DAPK1: variants seen among roughly 807,000 people sequenced by gnomAD.
The protein encoded by DAPK1 is death-associated protein kinase 1.
DAPK1 carries 56 observed loss-of-function variants against 144.9 expected under a neutral mutation model. The ratio of observed to expected loss-of-function variants is 0.39; its 90% CI spans 0.31 to 0.48. The LOEUF (loss-of-function observed/expected upper bound fraction) is 0.48, where lower values mean the gene tolerates loss of function less well. Among genes scored for constraint, DAPK1 ranks in the 20% least tolerant of loss-of-function variants. The pLI is 0.95. For missense variants in DAPK1, 1,454 were observed against 1,875.4 expected (o/e 0.78, Z 4.15); for synonymous variants, 690 against 749.0 (o/e 0.92, Z 1.29).
chr9:87,594,647 G>A (rs1037526393), intron 2 of DAPK1, among the ~76,000 whole-genome samples: 1 of 152,212 alleles, frequency 6.6e-6, no homozygotes, highest in African/African-American at 2.4e-5. Flanking sequence ...GTCATGGCCA[G>A]TATTTACTGT....
rs1564037534 is a variant in DAPK1 at position 87,639,471 on chromosome 9, C to G, written c.541C>G (p.Pro181Ala). ...GNEFKNIFGT[P>A]EFVAPEIVNY... ...TGAATTTAAAAACATATTTGGGACT[C>G]CAGAGTTTGTCGGTAAGTTTCTTTG... is the stretch of plus-strand genomic sequence containing the variant. Residue 181 changes from proline (P) to alanine (A), a missense_variant, in exon 5 of 26, where the codon CCA becomes GCA. Coordinates refer to ENST00000408954, the MANE Select transcript of DAPK1 (RefSeq NM_004938.4). 6.2e-7 allele frequency: 1 copy of G among 1,611,988 alleles called. No homozygotes were observed. The highest frequency in any genetic ancestry group is 1.1e-5 in the South Asian group (1 of 90,278).
chr9:87,643,347 CTTTTTTTTT>C lies in DAPK1; in HGVS notation c.919-18_919-10del. On this transcript the variant is annotated intron_variant, in intron 10 of 25. Coordinates refer to ENST00000408954, the MANE Select transcript of DAPK1 (RefSeq NM_004938.4). ...CCTGCCTTTTTCCTCCCCGCCCTCCCTTTTTTTTTTTTTTTTTTTAAAAAAAAGCAATCC... is the reference window on the plus strand; with the variant it reads ...CCTGCCTTTTTCCTCCCCGCCCTCCCTTTTTTTTTTAAAAAAAAGCAATCC... 2.0e-6 allele frequency: 2 copies of C among 1,001,886 alleles called. No individual in the cohort carries two copies. The highest frequency in any genetic ancestry group is 1.4e-6 in the Non-Finnish European group (1 of 732,824). 62.1% of individuals were successfully genotyped at this position (1,001,886 alleles called of 1,614,324 possible).
chr9:87,657,908 A>G, intron 17 of DAPK1, 121 bp from the exon 18 acceptor site: 1 of 702,384 alleles, frequency 1.4e-6, no homozygotes, highest in Non-Finnish European at 2.6e-6. Flanking sequence ...AGGAGAAGGG[A>G]GATGGCTCCT....
upstream of DAPK1, chr9:87,497,351 A>T (rs1228338739): frequency 6.6e-6 from 1 of 152,240 alleles, no homozygotes; most frequent in Admixed American, 6.5e-5. Flanking sequence ...GTTTCGTGGT[A>T]AACGTAGGAC....
intron 2 of DAPK1, among the ~76,000 whole-genome samples, chr9:87,500,323 G>A (rs1364248562): frequency 6.6e-6 from 1 of 152,162 alleles, no homozygotes; most frequent in Non-Finnish European, 1.5e-5. Context: ...ATGATCTGGT[G>A]AGTAAATAAG....
In DAPK1 at chr9:87,637,933, G is replaced by A. The variant is rs752893721; in HGVS notation, c.285-10G>A. Reference sequence around the variant, plus strand: ...GTTGTTACCAATAACCTCTGCTTCCGGGTTCTCAGCGTTGCAGGTGGCGAG... The same window carrying A: ...GTTGTTACCAATAACCTCTGCTTCCAGGTTCTCAGCGTTGCAGGTGGCGAG... On this transcript the variant is annotated splice_polypyrimidine_tract_variant and intron_variant, in intron 3 of 25. Transcript: ENST00000408954. The A allele has an allele frequency of 1.9e-6, 3 of 1,612,608 alleles. No individual in the cohort carries two copies. Among genetic ancestry groups the A allele is most frequent in the South Asian group, 1.1e-5 (1 of 90,972 alleles).
intron 3 of DAPK1, among the ~76,000 whole-genome samples, chr9:87,615,358 G>A (rs1374864213): frequency 6.6e-6 from 1 of 152,204 alleles, no homozygotes; most frequent in Non-Finnish European, 1.5e-5. Flanking sequence ...TGCTTGTTCC[G>A]TGTTGAAATG....
At chr9:87,639,260 CTTTT>C (rs112724520) in intron 4 of DAPK1, 90 bp from the exon 5 acceptor site, 113 of 981,792 alleles carry the variant, frequency 1.2e-4, no homozygotes, top group South Asian at 1.2e-4. Flanking sequence ...ACTTTTTGGC[CTTTT>C]TTTTTTTTTT....
Position 87,700,203 on chromosome 9 carries a change from A to C in DAPK1, c.2837A>C (p.Asn946Thr). Residue 946 changes from asparagine (N) to threonine (T), a missense_variant, in exon 24 of 26, where the codon AAT becomes ACT. Physicochemically the swap from Asn to Thr is moderately conservative, Grantham distance 65 (BLOSUM62 0). Transcript: ENST00000408954. ...SGSKDMKVLR[N>T]HLQEIRSQIV... is the part of the protein sequence containing the mutation. ...TCAAAGGACATGAAGGTACTTCGAA[A>C]TCATCTGCAAGAAATACGAAGCCAG... is the stretch of plus-strand genomic sequence containing the variant. 1 of 1,610,524 alleles carries C rather than the reference A, an allele frequency of 6.2e-7. No individual in the cohort carries two copies. Among genetic ancestry groups the C allele is most frequent in the South Asian group, 1.1e-5 (1 of 91,016 alleles).
intron 2 of DAPK1, among the ~76,000 whole-genome samples, chr9:87,543,601 A>G (rs1178530032): frequency 1.3e-5 from 2 of 152,224 alleles, no homozygotes; most frequent in African/African-American, 4.8e-5. Flanking sequence ...TTTTCTAAAT[A>G]GTTGCTTTAT....
rs547311130 is a variant in DAPK1, at chr9:87,706,367, C to G, written c.3296C>G (p.Thr1099Ser). 248 of 1,609,608 alleles carry G rather than the reference C, an allele frequency of 1.5e-4. 2 individuals are homozygous for G. In the South Asian group the frequency reaches 2.5e-3, roughly 16 times the overall value. ...DICARDLSSGTMVDVPALIKT... is the reference protein window; with the variant it reads ...DICARDLSSGSMVDVPALIKT... ...TGCGCCCGGGACCTGAGCAGCGGGA[C>G]CATGGTGGACGTCCCAGCCCTGATC... Residue 1099 changes from threonine (T) to serine (S), a missense_variant, in exon 26 of 26, where the codon ACC (threonine) becomes AGC (serine). Physicochemically the swap from Thr to Ser is moderately conservative, Grantham distance 58. Coordinates refer to ENST00000408954, the MANE Select transcript of DAPK1 (RefSeq NM_004938.4). This position sits in a 1 kb window ranked among gnomAD's most constrained non-coding sequence, Gnocchi z 9.0.
intron 2 of DAPK1, among the ~76,000 whole-genome samples, chr9:87,598,770 T>C (rs1318878951): frequency 6.6e-6 from 1 of 152,106 alleles, no homozygotes; most frequent in Admixed American, 6.5e-5. Flanking sequence ...GTTAAACAGG[T>C]TTCTTTTTAA....
intron 2 of DAPK1, among the ~76,000 whole-genome samples, chr9:87,559,468 G>T (rs925853609): frequency 2.8e-5 from 4 of 141,534 alleles, no homozygotes; most frequent in African/African-American, 1.0e-4. Context: ...TGGGACTAGT[G>T]TTTCCAAAAA....
chr9:87,584,719 C>G (rs1213110415), intron 2 of DAPK1, among the ~76,000 whole-genome samples: 2 of 151,538 alleles, frequency 1.3e-5, no homozygotes, highest in African/African-American at 4.9e-5. Context: ...TCTTGTTGAC[C>G]AGGCTGGAGT....
chr9:87,564,014 C>T (rs1010179000), intron 2 of DAPK1, among the ~76,000 whole-genome samples: 2 of 152,174 alleles, frequency 1.3e-5, no homozygotes, highest in Non-Finnish European at 2.9e-5. Context: ...TTTAGGATGC[C>T]CGTCTCCCCT....
chr9:87,534,245 A>AG (rs930601504), intron 2 of DAPK1, among the ~76,000 whole-genome samples: 1 of 103,312 alleles, frequency 9.7e-6, no homozygotes, highest in Non-Finnish European at 1.8e-5. Flanking sequence ...TCATTTTGAC[A>AG]GTTTTTTTTT....
At chr9:87,619,954 A>G (rs1343945224) in intron 3 of DAPK1, among the ~76,000 whole-genome samples, 1 of 152,148 alleles carries the variant, frequency 6.6e-6, no homozygotes, top group South Asian at 2.1e-4. Flanking sequence ...TCCTTTACCC[A>G]TTACAGCATC....
intron 18 of DAPK1, among the ~76,000 whole-genome samples, chr9:87,662,967 G>A (rs1160488277): frequency 6.6e-6 from 1 of 151,958 alleles, no homozygotes; most frequent in East Asian, 1.9e-4. Context: ...CTAGGGAGGG[G>A]CCTCTGGTCT....
chr9:87,640,544 C>A, intron 8 of DAPK1, 94 bp downstream of exon 8: 2 of 1,392,538 alleles, frequency 1.4e-6, no homozygotes, highest in Non-Finnish European at 2.0e-6. Context: ...TTCCTCAGAC[C>A]CTGCTTGCTT....
Sources: gnomAD v4.1 joint callset for allele counts (sites outside exome capture counted in the v4.1 genomes callset) on GRCh38, gnomAD v4.1.1 for gene constraint, Gnocchi (gnomAD v3.1) non-coding constraint, MANE v1.5 for transcripts, NCBI Gene and HGNC (gene_info 2026-07-23, HGNC 2026-07-21) for gene names.